FBXO46: variants seen among roughly 807,000 people sequenced by gnomAD.
FBXO46 encodes F-box protein 46, also known as F-box only protein 46.
Under a neutral mutation model 30.7 loss-of-function variants are expected in FBXO46, and 13 were observed. That is an observed-to-expected ratio of 0.42 (90% confidence interval 0.28 to 0.67). The LOEUF (loss-of-function observed/expected upper bound fraction) is 0.67. FBXO46 is among the 30% of genes least tolerant of loss of function. The pLI, the probability that FBXO46 is intolerant of heterozygous loss-of-function variation, is 0.21. For synonymous variants in FBXO46, 467 were observed against 385.8 expected, an observed-to-expected ratio of 1.21 and a Z score of -2.47; for missense variants, 754 against 871.5, an observed-to-expected ratio of 0.87 and a Z score of 1.70.
chr19:45,723,809 G>A (rs979102507), intron 1 of FBXO46, among the ~76,000 whole-genome samples: 16 of 152,000 alleles, frequency 1.1e-4, no homozygotes, highest in Non-Finnish European at 1.6e-4. Flanking sequence ...ACAGGCGTGC[G>A]CCACCACGCC....
chr19:45,715,631 A>G (rs932328036), intron 1 of FBXO46: 1 of 151,928 alleles, frequency 6.6e-6, no homozygotes, highest in Admixed American at 6.6e-5. Flanking sequence ...ACATGGCAAA[A>G]CCCCGTCTCT....
At chr19:45,731,030 G>T (rs554914428), upstream of FBXO46, 2 of 152,390 alleles carry the variant, frequency 1.3e-5, no homozygotes, top group South Asian at 4.1e-4. Context: ...CAAATTAGGC[G>T]GGCGGAGGAA....
chr19:45,711,436 T>C lies in FBXO46; in HGVS notation c.*248A>G. ...GGGCTGAATGGAGAAGAAAGTGAGA[T>C]GCTGATAAAAAAAAAAAAAACACCC... On this transcript the variant is annotated 3_prime_UTR_variant, in exon 2 of 2. Transcript: ENST00000317683. 1 of 648,880 alleles carries C rather than the reference T, an allele frequency of 1.5e-6. No individual in the cohort carries two copies. Among genetic ancestry groups the C allele is most frequent in the Non-Finnish European group, 2.8e-6 (1 of 361,980 alleles). 40.2% of individuals were successfully genotyped at this position (648,880 alleles called of 1,614,324 possible). A position where few individuals can be genotyped will look rare whatever the true frequency, so the allele number is the denominator to read the frequency against.
At chr19:45,714,459 G>C (rs781656344) in intron 1 of FBXO46, 5 of 151,856 alleles carry the variant, frequency 3.3e-5, no homozygotes, top group Non-Finnish European at 7.4e-5. Context: ...CCCTTGCAAA[G>C]ACAGTACAGG....
At chr19:45,732,532 CAA>C (rs36071960), upstream of FBXO46, among the ~76,000 whole-genome samples, 19 of 65,748 alleles carry the variant, frequency 2.9e-4, no homozygotes, top group Admixed American at 2.8e-3. Flanking sequence ...TCGTCTCTAC[CAA>C]AAAAAAAAAA....
At position 45,711,477 on chromosome 19, in the gene FBXO46, C is replaced by T. The variant is rs1022520245; in HGVS notation, c.*207G>A. 41 of 698,106 alleles carry T rather than the reference C, an allele frequency of 5.9e-5. No individual in the cohort carries two copies. Among genetic ancestry groups the T allele is most frequent in the Non-Finnish European group, 9.1e-5 (35 of 382,998 alleles). 43.2% of individuals were successfully genotyped at this position (698,106 alleles called of 1,614,324 possible). On this transcript the variant is annotated 3_prime_UTR_variant, in exon 2 of 2. Coordinates refer to ENST00000317683, the MANE Select transcript of FBXO46 (RefSeq NM_001080469.2). ...AAAAACACCCTTCTCAGAGGGTCCA[C>T]GGCCCTGGTTCTGAAGAGTAGAAAA...
Position 45,711,629 on chromosome 19 carries a change from C to G in FBXO46, c.*55G>C. 1 of 1,388,608 alleles carries G rather than the reference C, an allele frequency of 7.2e-7. No homozygotes were observed. Among genetic ancestry groups the G allele is most frequent in the Non-Finnish European group, 9.9e-7 (1 of 1,013,194 alleles). 86.0% of individuals were successfully genotyped at this position (1,388,608 alleles called of 1,614,324 possible). On this transcript the variant is annotated 3_prime_UTR_variant, in exon 2 of 2. Coordinates refer to ENST00000317683, the MANE Select transcript of FBXO46 (RefSeq NM_001080469.2). The stretch of plus-strand genomic sequence containing the variant: ...CGGCCCAGTCCGGACCCTCGGCTCC[C>G]GGGGGGAGAGGGGAGGGGTGGGCGT...
At chr19:45,726,020 T>C (rs548853716) in intron 1 of FBXO46, among the ~76,000 whole-genome samples, 1 of 152,138 alleles carries the variant, frequency 6.6e-6, no homozygotes. Context: ...TATAGGCTCA[T>C]GCCACCAAGC....
In FBXO46 at chr19:45,711,804, CATCCA is replaced by C; in HGVS notation, c.1687_1691del (p.Trp563ValfsTer19). The C allele has an allele frequency of 6.2e-7, 1 of 1,612,212 alleles. No homozygotes were observed. The highest frequency in any genetic ancestry group is 8.5e-7 in the Non-Finnish European group (1 of 1,179,500). Reference sequence around the variant, plus strand: ...TCTCGCGGTCGGCTCGACGGCAGCACATCCAGTAGGAACGTCCGTAAGGCAGGTCA... The same window carrying C: ...TCTCGCGGTCGGCTCGACGGCAGCACGTAGGAACGTCCGTAAGGCAGGTCA... On this transcript the variant is annotated frameshift_variant, in exon 2 of 2. Transcript: ENST00000317683. LOFTEE classifies it high-confidence loss of function.
rs1479701703 is a variant in FBXO46 at position 45,712,593 on chromosome 19, C to T, written c.903G>A (p.Lys301=). 2 of 1,591,390 alleles carry T rather than the reference C, an allele frequency of 1.3e-6. No individual in the cohort carries two copies. Among genetic ancestry groups the T allele is most frequent in the Admixed American group, 3.5e-5 (2 of 57,286 alleles). The part of the protein sequence containing the change: ...PGSPGPGARA[K]DKITCDLYQL... ...GGTATAAGTCACATGTGATCTTGTC[C>T]TTGGCTCGGGCCCCAGGACCTGGGC... is the stretch of plus-strand genomic sequence containing the variant. The change falls in exon 2 of 2, where the codon AAG becomes AAA. Residue 301 remains lysine, a synonymous_variant. Transcript: ENST00000317683. This position sits in a 1 kb window ranked among gnomAD's most constrained non-coding sequence, Gnocchi z 8.8.
chr19:45,729,247 T>C (rs978485494), intron 1 of FBXO46, among the ~76,000 whole-genome samples: 8 of 151,940 alleles, frequency 5.3e-5, no homozygotes, highest in Admixed American at 4.6e-4. Context: ...CTGACCAACA[T>C]GCAGAAACCC....
chr19:45,725,952 C>G lies in FBXO46; in HGVS notation c.-79+4897G>C, dbSNP rs190556103. Among the ~76,000 whole-genome samples, 679 of 152,156 alleles carry G rather than the reference C, an allele frequency of 4.5e-3. 11 individuals are homozygous for G. The highest frequency in any genetic ancestry group is 0.015 in the African/African-American group (618 of 41,526). On this transcript the variant is annotated intron_variant, in intron 1 of 1. Transcript: ENST00000317683. ...AATGGGGCAATCAGAGCTCACTGCA[C>G]CTTCCACCTCCTGGGCCCAAGTGAT...
In FBXO46 at chr19:45,713,170, C is replaced by G; in HGVS notation, c.326G>C (p.Cys109Ser). 1 of 1,613,792 alleles carries G rather than the reference C, an allele frequency of 6.2e-7. No homozygotes were observed. Among genetic ancestry groups the G allele is most frequent in the Non-Finnish European group, 8.5e-7 (1 of 1,179,840 alleles). The change falls in exon 2 of 2, where the codon TGT becomes TCT. Residue 109 changes from cysteine to serine, a missense_variant. Cys to Ser is a moderately radical substitution (Grantham distance 112, BLOSUM62 -1). This residue lies in a region of FBXO46 where 39 missense variants were observed against 56.5 expected (regional missense o/e 0.69). Coordinates refer to ENST00000317683, the MANE Select transcript of FBXO46 (RefSeq NM_001080469.2). This position sits in a 1 kb window ranked among gnomAD's most constrained non-coding sequence, Gnocchi z 4.7. ...EKVAFFVAHQ[C>S]GGGSRASSMK... ...GGAGCTGGCCCGGCTGCCCCCACCA[C>G]ACTGGTGGGCCACAAAGAAGGCCAC... is the stretch of plus-strand genomic sequence containing the variant.
At chr19:45,722,299 G>A (rs1007507887) in intron 1 of FBXO46, among the ~76,000 whole-genome samples, 3 of 152,160 alleles carry the variant, frequency 2.0e-5, no homozygotes, top group African/African-American at 4.8e-5. Flanking sequence ...AAGCAGACAG[G>A]AACCAGACAG....
chr19:45,711,596 TG>T lies in FBXO46; in HGVS notation c.*87del. The T allele has an allele frequency of 2.0e-6, 2 of 1,012,102 alleles. No individual in the cohort carries two copies. The highest frequency in any genetic ancestry group is 3.0e-6 in the Non-Finnish European group (2 of 669,122). The allele number at this position is 1,012,102 out of a possible 1,614,324, so 62.7% of individuals were successfully genotyped here. On this transcript the variant is annotated 3_prime_UTR_variant, in exon 2 of 2. Coordinates refer to ENST00000317683, the MANE Select transcript of FBXO46 (RefSeq NM_001080469.2). ...ATCAATGCTGCCTGGAGTAGGGGAA[TG>T]GGCAGGCGGCCCAGTCCGGACCCTC...
chr19:45,730,884 G>C lies in FBXO46; in HGVS notation c.-114C>G, dbSNP rs1451653246. On this transcript the variant is annotated 5_prime_UTR_variant, in exon 1 of 2. Transcript: ENST00000317683. Reference sequence around the variant, plus strand: ...CGCTGCATCTCCCTCGGCTACGCGGGTTTCCCCCACTCGCTCCTCTCCAGC... The same window carrying C: ...CGCTGCATCTCCCTCGGCTACGCGGCTTTCCCCCACTCGCTCCTCTCCAGC... The C allele has an allele frequency of 2.0e-5, 3 of 152,340 alleles. No individual in the cohort carries two copies. The highest frequency in any genetic ancestry group is 7.2e-5 in the African/African-American group (3 of 41,432). 9.4% of individuals were successfully genotyped at this position (152,340 alleles called of 1,614,324 possible).
At chr19:45,723,797 C>T (rs558633719) in intron 1 of FBXO46, among the ~76,000 whole-genome samples, 17 of 152,128 alleles carry the variant, frequency 1.1e-4, no homozygotes, top group African/African-American at 3.9e-4. Context: ...GTAGCTGGGA[C>T]TACAGGCGTG....
rs575789460 is a variant in FBXO46 at position 45,711,187 on chromosome 19, C to T, written c.*497G>A. On this transcript the variant is annotated 3_prime_UTR_variant, in exon 2 of 2. Transcript: ENST00000317683. ...AGATCCCACCTGTGACCTGACAGCC[C>T]CCAATTCCTAGAGAGGTGAGAGCTG... The T allele has an allele frequency of 2.1e-4, 86 of 417,182 alleles. 1 individual carries two copies. The highest frequency in any genetic ancestry group is 1.8e-3 in the Admixed American group (53 of 29,524). 25.8% of individuals were successfully genotyped at this position (417,182 alleles called of 1,614,324 possible). A position where few individuals can be genotyped will look rare whatever the true frequency, so the allele number is the denominator to read the frequency against.
At chr19:45,715,282 A>T (rs1200282203) in intron 1 of FBXO46, 1 of 152,234 alleles carries the variant, frequency 6.6e-6, no homozygotes, top group Admixed American at 6.5e-5. Flanking sequence ...ACATGCCTAC[A>T]GGCCAGAGAG....
Sources: gnomAD v4.1 joint callset for allele counts (sites outside exome capture counted in the v4.1 genomes callset) on GRCh38, gnomAD v4.1.1 for gene constraint, gnomAD v4.1.1 regional missense constraint, Gnocchi (gnomAD v3.1) non-coding constraint, MANE v1.5 for transcripts, NCBI Gene and HGNC (gene_info 2026-07-23, HGNC 2026-07-21) for gene names.